Variants in ADARB2 observed in about 807,000 individuals in gnomAD.
ADARB2 encodes inactive double-stranded RNA-specific editase B2.
ADARB2 carries 25 observed loss-of-function variants against 62.2 expected under a neutral mutation model. The observed-to-expected ratio is 0.40, with a 90% CI of 0.29 to 0.56. The LOEUF is 0.56. Among genes scored for constraint, ADARB2 ranks in the 20% least tolerant of loss-of-function variants. The pLI, the probability that ADARB2 is intolerant of heterozygous loss-of-function variation, is 0.43. For missense variants in ADARB2, 1,071 were observed against 1,077.4 expected, an observed-to-expected ratio of 0.99 and a Z score of 0.08; for synonymous variants, 572 against 500.8, an observed-to-expected ratio of 1.14 and a Z score of -1.90.
chr10:1,724,588 C>T (rs1588367699), intron 1 of ADARB2, among the ~76,000 whole-genome samples: 2 of 152,340 alleles, frequency 1.3e-5, no homozygotes, highest in East Asian at 1.9e-4. Context: ...TGATGCTCCT[C>T]ATTTCCATGG....
intron 1 of ADARB2, among the ~76,000 whole-genome samples, chr10:1,618,564 G>A (rs1191679371): frequency 3.0e-5 from 4 of 134,178 alleles, no homozygotes; most frequent in African/African-American, 5.7e-5. Context: ...ATTTTTTTTT[G>A]AGAGAGGGTC....
At chr10:1,727,524 TTTAA>T (rs1329716580) in intron 1 of ADARB2, among the ~76,000 whole-genome samples, 6 of 152,334 alleles carry the variant, frequency 3.9e-5, no homozygotes, top group Middle Eastern at 3.4e-3. Context: ...CTCAGTGGGT[TTTAA>T]TTGAGTAGCT....
intron 1 of ADARB2, among the ~76,000 whole-genome samples, chr10:1,650,720 A>G (rs1306812747): frequency 1.3e-5 from 2 of 152,194 alleles, no homozygotes; most frequent in African/African-American, 4.8e-5. Context: ...CTGTCCGCCC[A>G]CTGCAGTCCC....
chr10:1,653,242 C>A (rs921419817), intron 1 of ADARB2, among the ~76,000 whole-genome samples: 1 of 152,152 alleles, frequency 6.6e-6, no homozygotes, highest in Non-Finnish European at 1.5e-5. Context: ...GGTGCCCAGG[C>A]GCTGGCTTGC....
intron 1 of ADARB2, among the ~76,000 whole-genome samples, chr10:1,382,627 C>T (rs990943635): frequency 5.3e-5 from 8 of 151,606 alleles, no homozygotes; most frequent in Admixed American, 3.9e-4. Context: ...TCAGCTAATT[C>T]GATTTTTTGC....
chr10:1,632,893 T>C (rs978611428), intron 1 of ADARB2, among the ~76,000 whole-genome samples: 4 of 152,182 alleles, frequency 2.6e-5, no homozygotes, highest in African/African-American at 9.7e-5. Flanking sequence ...TGGGAGGATG[T>C]TTCTGGAAGA....
chr10:1,565,400 C>T (rs772989358), intron 1 of ADARB2, among the ~76,000 whole-genome samples: 1 of 152,108 alleles, frequency 6.6e-6, no homozygotes, highest in Admixed American at 6.5e-5. Flanking sequence ...GCCTCCCCTC[C>T]CCCTTCTCTA....
chr10:1,228,737 G>A (rs897969568), intron 6 of ADARB2, among the ~76,000 whole-genome samples: 18 of 152,172 alleles, frequency 1.2e-4, no homozygotes, highest in African/African-American at 4.1e-4. Context: ...GGTCGCATGC[G>A]ATGCACCACG....
rs1263989100 is a variant in ADARB2, at chr10:1,327,715, C to T, written c.1077+35313G>A. On this transcript the variant is annotated intron_variant, in intron 3 of 9. Coordinates refer to ENST00000381312, the MANE Select transcript of ADARB2 (RefSeq NM_018702.4). Reference sequence around the variant, plus strand: ...CGCCTCGTCACAGTTTAGTGCCTACCCACAGTTCAGCACCTCCCACGGCAC... The same window carrying T: ...CGCCTCGTCACAGTTTAGTGCCTACTCACAGTTCAGCACCTCCCACGGCAC... Among the ~76,000 whole-genome samples, 11 of 62,024 alleles carry T rather than the reference C, an allele frequency of 1.8e-4. 1 individual carries two copies. The South Asian group carries it at 5.3e-3, about 30-fold the overall frequency. The allele number at this position is 62,024 out of a possible 152,430, so 40.7% of individuals were successfully genotyped here. A position where few individuals can be genotyped will look rare whatever the true frequency, so the allele number is the denominator to read the frequency against.
At chr10:1,631,638 G>A (rs1833845080) in intron 1 of ADARB2, among the ~76,000 whole-genome samples, 1 of 152,200 alleles carries the variant, frequency 6.6e-6, no homozygotes, top group Non-Finnish European at 1.5e-5. Context: ...TGGGTCTGGT[G>A]ATTTGATGGT....
chr10:1,575,598 G>A (rs991893533), intron 1 of ADARB2, among the ~76,000 whole-genome samples: 7 of 152,194 alleles, frequency 4.6e-5, no homozygotes, highest in African/African-American at 1.7e-4. Flanking sequence ...GCTCTGAGGG[G>A]CTCTGTGCAC....
At position 1,288,035 on chromosome 10, in the gene ADARB2, C is replaced by T. The variant is rs369088288; in HGVS notation, c.1078-16966G>A. ...CATGGTGGGCCCCCACCCCAAAGCA[C>T]GCTTGCCTCTGGGTCAGCTCGTGCA... On this transcript the variant is annotated intron_variant, in intron 3 of 9. Transcript: ENST00000381312. Among the ~76,000 whole-genome samples, 32 of 152,362 alleles carry T rather than the reference C, an allele frequency of 2.1e-4. No individual in the cohort carries two copies. In the East Asian group the frequency reaches 2.1e-3, roughly 10 times the overall value.
In ADARB2 at chr10:1,374,979, G is replaced by A. The variant is rs77501192; in HGVS notation, c.187+4095C>T. On this transcript the variant is annotated intron_variant, in intron 2 of 9. Coordinates refer to ENST00000381312, the MANE Select transcript of ADARB2 (RefSeq NM_018702.4). The stretch of plus-strand genomic sequence containing the variant: ...CAGGAGGCAGGCTGGGGCCGGGGGT[G>A]GGAGGCAGTGGCTCCTGGCATTTGT... Among the ~76,000 whole-genome samples, 14 of 152,050 alleles carry A rather than the reference G, an allele frequency of 9.2e-5. No homozygotes were observed. In the East Asian group the frequency reaches 2.1e-3, roughly 23 times the overall value.
intron 6 of ADARB2, among the ~76,000 whole-genome samples, chr10:1,230,121 C>T (rs1025002069): frequency 6.6e-6 from 1 of 152,008 alleles, no homozygotes. Flanking sequence ...CAGATGAGCT[C>T]CTCTGGCCCC....
At chr10:1,475,678 T>C (rs1831390497) in intron 1 of ADARB2, among the ~76,000 whole-genome samples, 1 of 152,234 alleles carries the variant, frequency 6.6e-6, no homozygotes, top group South Asian at 2.1e-4. Context: ...CCAGACCTTA[T>C]TATGAGAATT....
intron 1 of ADARB2, among the ~76,000 whole-genome samples, chr10:1,591,294 G>C (rs372169957): frequency 1.3e-5 from 2 of 152,330 alleles, no homozygotes; most frequent in African/African-American, 2.4e-5. Flanking sequence ...CTGCTCGGAG[G>C]CTCCGCGAGG....
intron 1 of ADARB2, among the ~76,000 whole-genome samples, chr10:1,472,436 A>T (rs751887152): frequency 6.6e-6 from 1 of 152,120 alleles, no homozygotes. Flanking sequence ...GGCGAGTGCC[A>T]TGCGGCTCGG....
At chr10:1,664,736 C>T (rs1321700801) in intron 1 of ADARB2, among the ~76,000 whole-genome samples, 1 of 152,104 alleles carries the variant, frequency 6.6e-6, no homozygotes, top group Non-Finnish European at 1.5e-5. Flanking sequence ...AGTCAGCAGA[C>T]GGCAAGGGGA....
chr10:1,322,318 T>A (rs971563101), intron 3 of ADARB2, among the ~76,000 whole-genome samples: 21 of 152,234 alleles, frequency 1.4e-4, no homozygotes, highest in Admixed American at 3.9e-4. Context: ...AGCCCAGGCT[T>A]CAGAGCAAGG....
Sources: gnomAD v4.1 joint callset for allele counts (sites outside exome capture counted in the v4.1 genomes callset) on GRCh38, gnomAD v4.1.1 for gene constraint, MANE v1.5 for transcripts, NCBI Gene and HGNC (gene_info 2026-07-23, HGNC 2026-07-21) for gene names.